The following KMT2C variants were observed in gnomAD, a reference collection of about 807,000 sequenced individuals.
KMT2C encodes the protein lysine methyltransferase 2C.
KMT2C carries 88 observed loss-of-function variants against 507.9 expected under a neutral mutation model. The observed-to-expected ratio is 0.17, with a 90% CI of 0.15 to 0.21. KMT2C has a LOEUF of 0.21. Among genes scored for constraint, KMT2C ranks in the 10% least tolerant of loss-of-function variants. The pLI, the probability that KMT2C is intolerant of heterozygous loss-of-function variation, is 1.00. For missense variants in KMT2C, 4,954 were observed against 5,957.8 expected, an observed-to-expected ratio of 0.83 and a Z score of 5.55; for synonymous variants, 2,049 against 2,080.8, an observed-to-expected ratio of 0.98 and a Z score of 0.42.
rs746018833 is a variant in KMT2C at position 152,178,015 on chromosome 7, T to TAAAAAAAAAAA, written c.7443-16_7443-6dup. On this transcript the variant is annotated splice_polypyrimidine_tract_variant and splice_region_variant and intron_variant, in intron 37 of 58. Coordinates refer to ENST00000262189, the MANE Select transcript of KMT2C (RefSeq NM_170606.3). ...CTACCTCCTGGAAATCCAAATCTTT[T>TAAAAAAAAAAA]AAAAAAAAAAAAAAAAAAAAAAAAA... 1.2e-5 allele frequency: 10 copies of TAAAAAAAAAAA among 811,064 alleles called. No homozygotes were observed. The African/African-American group carries it at 1.2e-4, about 10-fold the overall frequency. The allele number at this position is 811,064 out of a possible 1,614,324, so 50.2% of individuals were successfully genotyped here. A position where few individuals can be genotyped will look rare whatever the true frequency, so the allele number is the denominator to read the frequency against.
chr7:152,139,443 G>T (rs1342579304), intron 56 of KMT2C, among the ~76,000 whole-genome samples, 184 bp from the exon 57 acceptor site: 2 of 152,200 alleles, frequency 1.3e-5, no homozygotes, highest in African/African-American at 4.8e-5. Flanking sequence ...GGAATCAGTA[G>T]GTTGTGTGTG....
intron 3 of KMT2C, among the ~76,000 whole-genome samples, chr7:152,321,732 T>C (rs2096774727): frequency 6.6e-6 from 1 of 151,866 alleles, no homozygotes; most frequent in African/African-American, 2.4e-5. Context: ...AAGACCTGTA[T>C]ACTGAAAACC....
intron 2 of KMT2C, among the ~76,000 whole-genome samples, chr7:152,357,730 C>G (rs1481293300): frequency 1.3e-5 from 2 of 151,998 alleles, no homozygotes; most frequent in Admixed American, 6.6e-5. Context: ...TCTAACTAGA[C>G]CTTATTGGAA....
chr7:152,234,155 A>G (rs1274090325), intron 16 of KMT2C, among the ~76,000 whole-genome samples: 1 of 152,038 alleles, frequency 6.6e-6, no homozygotes, highest in African/African-American at 2.4e-5. Context: ...TGGGAGGCCG[A>G]GGCAGGTGGA....
intron 1 of KMT2C, among the ~76,000 whole-genome samples, chr7:152,398,056 T>C (rs1264648513): frequency 6.6e-6 from 1 of 152,232 alleles, no homozygotes; most frequent in African/African-American, 2.4e-5. Context: ...CATACAGACC[T>C]TCCTGACCAC....
In KMT2C at chr7:152,162,601, T is replaced by G; in HGVS notation, c.10976A>C (p.Glu3659Ala). The change falls in exon 43 of 59, where the codon GAG becomes GCG. Residue 3659 changes from glutamate (E) to alanine (A), a missense_variant. By Grantham distance (107) the Glu-to-Ala change is moderately radical (BLOSUM62 -1). Around this residue, in one of 29 missense-constraint regions of KMT2C, gnomAD observed 801 missense variants for 751.2 expected, o/e 1.07. Transcript: ENST00000262189. ...GGATGGGCCGACTGGTTCCACCGAC[T>G]CTTGGTCGGCTTGTTGAGGAAGCTC... ...PSELPQQADQESVEPVGPSTP... is the reference protein window; with the variant it reads ...PSELPQQADQASVEPVGPSTP... 1.2e-6 allele frequency: 2 copies of G among 1,614,236 alleles called. No individual in the cohort carries two copies. Among genetic ancestry groups the G allele is most frequent in the Non-Finnish European group, 1.7e-6 (2 of 1,180,050 alleles).
chr7:152,193,904 C>T lies in KMT2C; in HGVS notation c.4660+105G>A, dbSNP rs562261853. 17 of 973,468 alleles carry T rather than the reference C, an allele frequency of 1.7e-5. 1 individual carries two copies. In the South Asian group the frequency reaches 1.8e-4, roughly 10 times the overall value. 60.3% of individuals were successfully genotyped at this position (973,468 alleles called of 1,614,324 possible). On this transcript the variant is annotated intron_variant, in intron 31 of 58. Transcript: ENST00000262189. Reference sequence around the variant, plus strand: ...GTTTTTCTCCCTATCAGTTTGTATACGTGGCTACTAAAGAATAGGGCAAAA... The same window carrying T: ...GTTTTTCTCCCTATCAGTTTGTATATGTGGCTACTAAAGAATAGGGCAAAA...
intron 25 of KMT2C, among the ~76,000 whole-genome samples, chr7:152,204,660 T>TA (rs2094249767): frequency 6.6e-6 from 1 of 151,764 alleles, no homozygotes; most frequent in South Asian, 2.1e-4. Flanking sequence ...CATAAATAGA[T>TA]AAAAACTGAG....
intron 44 of KMT2C, chr7:152,157,826 G>T: frequency 7.5e-7 from 1 of 1,330,190 alleles, no homozygotes; most frequent in Middle Eastern, 2.1e-4. Flanking sequence ...AAAGTTCCTA[G>T]AAGTCGATTC....
intron 24 of KMT2C, among the ~76,000 whole-genome samples, chr7:152,205,444 GA>G (rs1360924928): frequency 2.2e-5 from 3 of 136,944 alleles, no homozygotes; most frequent in Non-Finnish European, 4.7e-5. Flanking sequence ...TTATCAAACA[GA>G]ATACAAAAAG....
chr7:152,235,248 T>C (rs1310455822), intron 16 of KMT2C, among the ~76,000 whole-genome samples: 1 of 148,312 alleles, frequency 6.7e-6, no homozygotes, highest in South Asian at 2.1e-4. Context: ...ATTGTACATG[T>C]CAAATATAGC....
intron 43 of KMT2C, among the ~76,000 whole-genome samples, chr7:152,161,702 GTA>G (rs2092463304): frequency 6.6e-6 from 1 of 152,186 alleles, no homozygotes; most frequent in African/African-American, 2.4e-5. Context: ...TCCCAGTGTG[GTA>G]TCCCTAAGAG....
chr7:152,241,348 G>C (rs182494038), intron 14 of KMT2C, among the ~76,000 whole-genome samples: 1 of 152,196 alleles, frequency 6.6e-6, no homozygotes, highest in Non-Finnish European at 1.5e-5. Context: ...TTACAGGCAT[G>C]CGCCACCAGG....
rs1357507062 is a variant in KMT2C at position 152,378,590 on chromosome 7, TACTC to T, written c.162-19919_162-19916del. 3.3e-5 allele frequency among the ~76,000 whole-genome samples: 5 copies of T among 152,360 alleles called. 1 individual carries two copies. The East Asian group carries it at 7.7e-4, about 23-fold the overall frequency. On this transcript the variant is annotated intron_variant, in intron 1 of 58. Coordinates refer to ENST00000262189, the MANE Select transcript of KMT2C (RefSeq NM_170606.3). ...ATTTGTGTGCCTTGCTTTATGGTGA[TACTC>T]ACTTTATTGTGGTAGTCTATAATGG...
At chr7:152,168,397 T>C (rs951657316) in intron 41 of KMT2C, among the ~76,000 whole-genome samples, 1 of 152,206 alleles carries the variant, frequency 6.6e-6, no homozygotes, top group African/African-American at 2.4e-5. Context: ...TAGTAACAAT[T>C]AATGTAGGGG....
intron 49 of KMT2C, 144 bp from the exon 50 acceptor site, chr7:152,151,725 G>A (rs2129096808): frequency 3.4e-6 from 2 of 585,168 alleles, no homozygotes; most frequent in South Asian, 6.9e-5. Context: ...TATCTTCTAA[G>A]CAATGGTTAC....
intron 26 of KMT2C, 69 bp downstream of exon 26, chr7:152,202,865 T>C: frequency 7.8e-7 from 1 of 1,276,594 alleles, no homozygotes; most frequent in Non-Finnish European, 1.1e-6. Context: ...AAACCTATGT[T>C]TTAAAACTCA....
chr7:152,193,646 A>T (rs2093874146), intron 31 of KMT2C, among the ~76,000 whole-genome samples: 1 of 152,178 alleles, frequency 6.6e-6, no homozygotes, highest in Admixed American at 6.5e-5. Flanking sequence ...CCGAGGGCAG[A>T]TCAATGAGTA....
chr7:152,249,994 T>C, intron 12 of KMT2C, 41 bp from the exon 13 acceptor site: 1 of 1,204,664 alleles, frequency 8.3e-7, no homozygotes, highest in Non-Finnish European at 1.2e-6. Flanking sequence ...GGAGTCAAAA[T>C]TTCTGTAACA....
Sources: gnomAD v4.1 joint callset for allele counts (sites outside exome capture counted in the v4.1 genomes callset) on GRCh38, gnomAD v4.1.1 for gene constraint, gnomAD v4.1.1 regional missense constraint, MANE v1.5 for transcripts, NCBI Gene and HGNC (gene_info 2026-07-23, HGNC 2026-07-21) for gene names.